Variants in ZHX2 observed in about 807,000 individuals in gnomAD.
ZHX2 encodes zinc fingers and homeoboxes protein 2.
A neutral mutation model predicts 21.9 loss-of-function variants in ZHX2; 6 were observed. That is an observed-to-expected ratio of 0.27 (90% confidence interval 0.15 to 0.54). The LOEUF is 0.54. ZHX2 is among the 20% of genes least tolerant of loss of function. The pLI, the probability that ZHX2 is intolerant of heterozygous loss-of-function variation, is 0.95. For synonymous variants in ZHX2, 434 were observed against 437.1 expected (o/e 0.99, Z 0.09); for missense variants, 908 against 1,090.7 (o/e 0.83, Z 2.36).
chr8:122,898,179 A>G (rs142053547), intron 2 of ZHX2, among the ~76,000 whole-genome samples: 1 of 152,314 alleles, frequency 6.6e-6, no homozygotes, highest in Admixed American at 6.5e-5. Context: ...ATAGAGGTGA[A>G]GTGACTTGCC....
intron 1 of ZHX2, chr8:122,809,267 G>A (rs995893013): frequency 6.6e-6 from 1 of 152,440 alleles, no homozygotes; most frequent in African/African-American, 2.4e-5. Flanking sequence ...GGAGGCCGAG[G>A]TGGGTGGATC....
chr8:122,937,933 G>GTTTTTTTTTTTTTTT (rs71310636), intron 2 of ZHX2, among the ~76,000 whole-genome samples: 13 of 73,352 alleles, frequency 1.8e-4, no homozygotes, highest in Admixed American at 2.4e-4. Context: ...TTTCTTTTTG[G>GTTTTTTTTTTTTTTT]TTTTTTTTTT....
chr8:122,868,558 G>A (rs187196834), intron 2 of ZHX2, among the ~76,000 whole-genome samples: 9 of 152,084 alleles, frequency 5.9e-5, no homozygotes, highest in African/African-American at 1.7e-4. Context: ...AAAATTAGCC[G>A]GGCATGGTGG....
chr8:122,917,360 C>T (rs1820631298), intron 2 of ZHX2, among the ~76,000 whole-genome samples: 1 of 151,980 alleles, frequency 6.6e-6, no homozygotes, highest in Admixed American at 6.6e-5. Flanking sequence ...TATGATCTGC[C>T]AGAACCCCTG....
chr8:122,850,639 CAA>C (rs60682747), intron 1 of ZHX2, among the ~76,000 whole-genome samples: 36,385 of 113,858 alleles, frequency 0.32, 5,098 homozygotes, highest in East Asian at 0.43. Flanking sequence ...GACTCTGTCT[CAA>C]AAAAAAAAAA....
chr8:122,821,038 T>C (rs913377117), intron 1 of ZHX2, among the ~76,000 whole-genome samples: 1 of 152,066 alleles, frequency 6.6e-6, no homozygotes, highest in African/African-American at 2.4e-5. Context: ...GAGTCAGAAA[T>C]AAAGAAAGGA....
chr8:122,909,854 G>C (rs1266304877), intron 2 of ZHX2, among the ~76,000 whole-genome samples: 1 of 152,112 alleles, frequency 6.6e-6, no homozygotes, highest in East Asian at 1.9e-4. Flanking sequence ...TGGAAGGCAG[G>C]GGTCTCCCCA....
At chr8:122,860,522 T>C (rs1819139201) in intron 1 of ZHX2, among the ~76,000 whole-genome samples, 1 of 152,212 alleles carries the variant, frequency 6.6e-6, no homozygotes, top group African/African-American at 2.4e-5. Flanking sequence ...ATCCTAGTGA[T>C]GATTATAGCA....
At chr8:122,813,632 T>C in intron 1 of ZHX2, among the ~76,000 whole-genome samples, 1 of 152,210 alleles carries the variant, frequency 6.6e-6, no homozygotes, top group South Asian at 2.1e-4. Flanking sequence ...TCCAACATGG[T>C]TGGGACCAGA....
At chr8:122,900,412 C>T (rs563884952) in intron 2 of ZHX2, among the ~76,000 whole-genome samples, 2 of 152,212 alleles carry the variant, frequency 1.3e-5, no homozygotes, top group Non-Finnish European at 2.9e-5. Context: ...TGAGACTCGC[C>T]CACGAGGGAG....
upstream of ZHX2, chr8:122,781,510 C>G (rs895475999): frequency 3.2e-4 from 49 of 152,636 alleles, no homozygotes; most frequent in Middle Eastern, 6.8e-3. This position sits in a 1 kb window ranked among gnomAD's most constrained non-coding sequence, Gnocchi z 4.6. Context: ...TAGCCTCCCC[C>G]CCAGCTCCTG....
At chr8:122,833,459 G>A (rs34745260) in intron 1 of ZHX2, among the ~76,000 whole-genome samples, 101,481 of 151,942 alleles carry the variant, frequency 0.67, 34,136 homozygotes, top group African/African-American at 0.72. Flanking sequence ...GGACGGGGGT[G>A]TGGTGTTCTG....
intron 2 of ZHX2, among the ~76,000 whole-genome samples, chr8:122,870,086 G>A (rs907541492): frequency 6.6e-6 from 1 of 152,202 alleles, no homozygotes; most frequent in Non-Finnish European, 1.5e-5. Context: ...CCTGAAGGAG[G>A]GGAAACCTGG....
At position 122,860,152 on chromosome 8, in the gene ZHX2, T is replaced by A. The variant is rs1399433112; in HGVS notation, c.-282-3325T>A. 2.6e-5 allele frequency among the ~76,000 whole-genome samples: 4 copies of A among 152,196 alleles called. No individual in the cohort carries two copies. In the East Asian group the frequency reaches 7.7e-4, roughly 29 times the overall value. ...ACAAGGCAGCAGGAAGGAGACGCAG[T>A]GAGCGAAGGGGGAAGAGCTCCTTAT... is the stretch of plus-strand genomic sequence containing the variant. On this transcript the variant is annotated intron_variant, in intron 1 of 3. Transcript: ENST00000314393.
In ZHX2 at chr8:122,953,845, G is replaced by A. The variant is rs3802264; in HGVS notation, c.2335G>A (p.Gly779Ser). The change falls in exon 3 of 4, where the codon GGC becomes AGC. Residue 779 changes from glycine to serine, a missense_variant. Transcript: ENST00000314393. This position sits in a 1 kb window ranked among gnomAD's most constrained non-coding sequence, Gnocchi z 4.6. ...CCGGTCAGAGGGCAGCAGCCGGGAC[G>A]GCCAGGGTAGCGACGAGAACGAGGA... Reference protein sequence around the residue: ...SDRSEGSSRDGQGSDENEESS... With the variant: ...SDRSEGSSRDSQGSDENEESS... 0.042 allele frequency: 67,900 copies of A among 1,614,164 alleles called. 3,464 individuals carry two copies. The highest frequency in any genetic ancestry group is 0.29 in the East Asian group (12,862 of 44,854).
At position 122,951,655 on chromosome 8, in the gene ZHX2, G is replaced by A. The variant is rs1228644150; in HGVS notation, c.145G>A (p.Ala49Thr). The A allele has an allele frequency of 3.1e-6, 5 of 1,613,854 alleles. No homozygotes were observed. Among genetic ancestry groups the A allele is most frequent in the Admixed American group, 1.7e-5 (1 of 59,956 alleles). Residue 49 changes from alanine (A) to threonine (T), a missense_variant, in exon 3 of 4, where the codon GCA (alanine) becomes ACA (threonine). Transcript: ENST00000314393. The stretch of plus-strand genomic sequence containing the variant: ...TGACGTGGCCAAGGACAGTTGGGCA[G>A]CAGAACTTGAAAACTCTTCCAAAGA... ...QPDVAKDSWA[A>T]ELENSSKENE...
chr8:122,925,305 C>T (rs981234745), intron 2 of ZHX2, among the ~76,000 whole-genome samples: 2 of 152,132 alleles, frequency 1.3e-5, no homozygotes, highest in African/African-American at 2.4e-5. Flanking sequence ...AGATAGGCAG[C>T]GTAGAGGAGG....
intron 2 of ZHX2, among the ~76,000 whole-genome samples, chr8:122,903,900 A>T (rs1820288522): frequency 6.6e-6 from 1 of 152,112 alleles, no homozygotes; most frequent in African/African-American, 2.4e-5. Context: ...TTCCAAGAAA[A>T]TGGAGTAAAC....
chr8:122,829,687 G>C (rs1240255230), intron 1 of ZHX2, among the ~76,000 whole-genome samples: 1 of 152,210 alleles, frequency 6.6e-6, no homozygotes, highest in Non-Finnish European at 1.5e-5. Flanking sequence ...AAGTTTCTGT[G>C]ACAACAGTTG....
Sources: gnomAD v4.1 joint callset for allele counts (sites outside exome capture counted in the v4.1 genomes callset) on GRCh38, gnomAD v4.1.1 for gene constraint, Gnocchi (gnomAD v3.1) non-coding constraint, MANE v1.5 for transcripts, NCBI Gene and HGNC (gene_info 2026-07-23, HGNC 2026-07-21) for gene names.